PLRG1: variants seen among roughly 807,000 people sequenced by gnomAD.
The protein encoded by PLRG1 is pleiotropic regulator 1 (PRL1 homolog, Arabidopsis).
A neutral mutation model predicts 74.9 loss-of-function variants in PLRG1; 28 were observed. The ratio of observed to expected loss-of-function variants is 0.37; its 90% confidence interval spans 0.28 to 0.51. The LOEUF (loss-of-function observed/expected upper bound fraction) is 0.51, where lower values mean the gene tolerates loss of function less well. Among genes scored for constraint, PLRG1 ranks in the 20% least tolerant of loss-of-function variants. The pLI is 0.91. For synonymous variants in PLRG1, 197 were observed against 212.4 expected, an observed-to-expected ratio of 0.93 and a Z score of 0.63; for missense variants, 445 against 631.9, an observed-to-expected ratio of 0.70 and a Z score of 3.17.
Position 154,537,307 on chromosome 4 carries a change from T to C in PLRG1, c.1464A>G (p.Val488=). The change falls in exon 14 of 15, where the codon GTA becomes GTG. Residue 488 remains valine, a synonymous_variant. Transcript: ENST00000499023. ...LTAEADKTIK[V]YREDDTATEE... is the part of the protein sequence containing the mutation. ...TTACGGCTGTGTCATCCTCTCTGTA[T>C]ACTTTAATGGTTTTATCAGCTTCAG... 1 of 1,612,420 alleles carries C rather than the reference T, an allele frequency of 6.2e-7. No individual in the cohort carries two copies. The highest frequency in any genetic ancestry group is 1.1e-5 in the South Asian group (1 of 91,004).
chr4:154,535,826 T>C lies in PLRG1; in HGVS notation c.*859A>G, dbSNP rs1275282857. 6.6e-6 allele frequency: 1 copy of C among 152,110 alleles called. No homozygotes were observed. The highest frequency in any genetic ancestry group is 1.5e-5 in the Non-Finnish European group (1 of 68,010). The allele number at this position is 152,110 out of a possible 1,614,324, so 9.4% of individuals were successfully genotyped here. A position where few individuals can be genotyped will look rare whatever the true frequency, so the allele number is the denominator to read the frequency against. ...CCCCAAGTTTCAATACCAGTATTGG[T>C]ATCCTACTAGTTGAGGAATAAAATC... On this transcript the variant is annotated 3_prime_UTR_variant, in exon 15 of 15. Transcript: ENST00000499023.
At chr4:154,549,225 T>A (rs537776679) in intron 1 of PLRG1, 1 of 395,592 alleles carries the variant, frequency 2.5e-6, no homozygotes, top group Non-Finnish European at 4.8e-6. Context: ...AATCTCACAA[T>A]AGAATGATAA....
At chr4:154,542,145 C>A in intron 8 of PLRG1, 42 bp downstream of exon 8, 1 of 1,215,772 alleles carries the variant, frequency 8.2e-7, no homozygotes, top group Admixed American at 1.7e-5. Flanking sequence ...ACTTACATGA[C>A]AAACACAAAG....
chr4:154,547,421 C>A (rs1417150419), intron 3 of PLRG1: 11 of 505,238 alleles, frequency 2.2e-5, no homozygotes, highest in Non-Finnish European at 3.5e-5. Context: ...TAGATGGTGT[C>A]CTCACAGGTT....
chr4:154,548,398 C>T (rs1422049213), intron 2 of PLRG1, among the ~76,000 whole-genome samples: 1 of 152,102 alleles, frequency 6.6e-6, no homozygotes, highest in Admixed American at 6.6e-5. Context: ...AGGAACACTG[C>T]ACATAATGCA....
chr4:154,546,305 A>G, intron 4 of PLRG1, 92 bp from the exon 5 acceptor site: 6 of 692,500 alleles, frequency 8.7e-6, no homozygotes, highest in Non-Finnish European at 1.6e-5. Context: ...ACATACACCA[A>G]ATGTTTATTA....
At chr4:154,547,992 G>T in intron 2 of PLRG1, 139 bp from the exon 3 acceptor site, 1 of 594,294 alleles carries the variant, frequency 1.7e-6, no homozygotes, top group Non-Finnish European at 2.9e-6. Flanking sequence ...ATTTCCAAGG[G>T]CATTTCCCCA....
chr4:154,540,536 G>A (rs1245550798), intron 10 of PLRG1, 58 bp downstream of exon 10: 5 of 1,132,514 alleles, frequency 4.4e-6, no homozygotes, highest in Admixed American at 1.7e-5. Flanking sequence ...GAAACCGAAA[G>A]TGCACCCTAC....
chr4:154,550,181 T>G, intron 1 of PLRG1, 119 bp downstream of exon 1: 1 of 973,862 alleles, frequency 1.0e-6, no homozygotes, highest in East Asian at 2.4e-5. Context: ...CTTGGCCAAA[T>G]AGCTCCCCTC....
At position 154,538,025 on chromosome 4, in the gene PLRG1, T is replaced by C. The variant is rs1237328353; in HGVS notation, c.1235A>G (p.His412Arg). 1 of 1,561,506 alleles carries C rather than the reference T, an allele frequency of 6.4e-7. No homozygotes were observed. Among genetic ancestry groups the C allele is most frequent in the Non-Finnish European group, 8.8e-7 (1 of 1,142,408 alleles). The change falls in exon 13 of 15, where the codon CAT becomes CGT. Residue 412 changes from histidine (H) to arginine (R), a missense_variant. Around this residue, in one of 3 missense-constraint regions of PLRG1, gnomAD observed 221 missense variants for 377.7 expected, o/e 0.59. Transcript: ENST00000499023. ...CGTCAATGTGTTAATAATAGCATTA[T>C]GACCGGAAAGATTTTGAATGAAACT... ...DGSFIQNLSGHNAIINTLTVN... is the reference protein window; with the variant it reads ...DGSFIQNLSGRNAIINTLTVN...
chr4:154,543,187 G>A (rs1028384769), intron 7 of PLRG1, among the ~76,000 whole-genome samples: 9 of 151,938 alleles, frequency 5.9e-5, no homozygotes, highest in Non-Finnish European at 1.0e-4. Context: ...TCACTCTGTC[G>A]CCCAGGCTGG....
rs1729534272 is a variant in PLRG1 at position 154,540,404 on chromosome 4, T to C, written c.939+190A>G. ...GGGCAGGGCACTAATAACACTAACA[T>C]GGTGAGGCCATACAACTGAAGACTA... On this transcript the variant is annotated intron_variant, in intron 10 of 14. Coordinates refer to ENST00000499023, the MANE Select transcript of PLRG1 (RefSeq NM_002669.4). 8.3e-6 allele frequency: 5 copies of C among 599,264 alleles called. No homozygotes were observed. The South Asian group carries it at 8.4e-5, about 10-fold the overall frequency. The allele number at this position is 599,264 out of a possible 1,614,324, so 37.1% of individuals were successfully genotyped here.
chr4:154,544,050 T>C (rs1056080578), intron 7 of PLRG1: 1 of 164,476 alleles, frequency 6.1e-6, no homozygotes, highest in Non-Finnish European at 1.3e-5. Context: ...ATGTCCATTT[T>C]CTTTTAGATG....
At chr4:154,538,759 T>TA (rs1729501983) in intron 12 of PLRG1, among the ~76,000 whole-genome samples, 1 of 152,128 alleles carries the variant, frequency 6.6e-6, no homozygotes. Flanking sequence ...CCTTAAGAAT[T>TA]AAACTATTCA....
intron 3 of PLRG1, chr4:154,547,446 A>G (rs558645853): frequency 5.4e-5 from 28 of 514,958 alleles, no homozygotes; most frequent in Non-Finnish European, 5.5e-5. Context: ...ATATTCTCCA[A>G]TTTTTTCCTT....
intron 8 of PLRG1, 148 bp downstream of exon 8, chr4:154,542,039 A>G: frequency 1.6e-6 from 1 of 606,682 alleles, no homozygotes; most frequent in Non-Finnish European, 3.0e-6. Flanking sequence ...TAGAACACTT[A>G]TTAGTATAAA....
intron 6 of PLRG1, 55 bp downstream of exon 6, chr4:154,545,781 T>C: frequency 2.0e-6 from 2 of 1,009,664 alleles, no homozygotes; most frequent in Non-Finnish European, 3.1e-6. Context: ...AAGAGGGAAA[T>C]ATGGCAACAT....
chr4:154,550,008 T>C (rs1393458465), intron 1 of PLRG1, among the ~76,000 whole-genome samples: 2 of 152,142 alleles, frequency 1.3e-5, no homozygotes, highest in Non-Finnish European at 2.9e-5. Context: ...CAGTGGTCGA[T>C]CACCAACAGA....
Position 154,548,869 on chromosome 4 carries a change from C to T in PLRG1, c.76G>A (p.Val26Ile). 1 of 1,610,430 alleles carries T rather than the reference C, an allele frequency of 6.2e-7. No individual in the cohort carries two copies. Among genetic ancestry groups the T allele is most frequent in the Admixed American group, 1.7e-5 (1 of 59,966 alleles). The change falls in exon 2 of 15, where the codon GTA becomes ATA. Residue 26 changes from valine (V) to isoleucine (I), a missense_variant. Val to Ile is a conservative substitution (Grantham distance 29, BLOSUM62 3). Coordinates refer to ENST00000499023, the MANE Select transcript of PLRG1 (RefSeq NM_002669.4). ...GGCACAGGTTTTCCATTATCAGCTA[C>T]AAACATGTCATGGGTCCTCTTCAAC... The part of the protein sequence containing the change: ...RSLKRTHDMF[V>I]ADNGKPVPLD...
Sources: gnomAD v4.1 joint callset for allele counts (sites outside exome capture counted in the v4.1 genomes callset) on GRCh38, gnomAD v4.1.1 for gene constraint, gnomAD v4.1.1 regional missense constraint, MANE v1.5 for transcripts, NCBI Gene and HGNC (gene_info 2026-07-23, HGNC 2026-07-21) for gene names.